Variants in CPS1 observed in about 807,000 individuals in gnomAD.
The protein encoded by CPS1 is carbamoyl-phosphate synthase [ammonia], mitochondrial.
A neutral mutation model predicts 174.6 loss-of-function variants in CPS1; 109 were observed. The ratio of observed to expected loss-of-function variants is 0.62; its 90% confidence interval spans 0.53 to 0.73. CPS1 has a LOEUF of 0.73. CPS1 is among the 30% of genes least tolerant of loss of function. The pLI is 0.00. For synonymous variants in CPS1, 637 were observed against 632.0 expected, an observed-to-expected ratio of 1.01 and a Z score of -0.12; for missense variants, 1,689 against 1,821.9, an observed-to-expected ratio of 0.93 and a Z score of 1.33.
At chr2:210,612,323 T>C in intron 20 of CPS1, 30 bp downstream of exon 20, 1 of 1,609,598 alleles carries the variant, frequency 6.2e-7, no homozygotes, top group South Asian at 1.1e-5. Context: ...CCACAGCTAC[T>C]AGTTGCTTTT....
At chr2:210,677,778 C>T (rs752735555) in intron 37 of CPS1, 109 bp from the exon 38 acceptor site, 9 of 897,286 alleles carry the variant, frequency 1.0e-5, no homozygotes, top group African/African-American at 3.3e-5. Context: ...GCCTTTTATC[C>T]CATACCCCTT....
At chr2:210,575,093 G>T (rs1176353025) in intron 2 of CPS1, among the ~76,000 whole-genome samples, 1 of 152,066 alleles carries the variant, frequency 6.6e-6, no homozygotes, top group African/African-American at 2.4e-5. Flanking sequence ...AGAGACATCT[G>T]AGAAATTAGC....
intron 34 of CPS1, 152 bp downstream of exon 34, chr2:210,668,436 A>C (rs1359870463): frequency 1.4e-6 from 1 of 699,240 alleles, no homozygotes; most frequent in Non-Finnish European, 2.6e-6. Context: ...TTTGTTCTCT[A>C]TTTGCTTCCT....
chr2:210,547,676 T>C (rs1696599527), intron 1 of CPS1, among the ~76,000 whole-genome samples: 1 of 152,224 alleles, frequency 6.6e-6, no homozygotes, highest in African/African-American at 2.4e-5. Flanking sequence ...TTTAAGTCTT[T>C]TAACCTTATC....
intron 1 of CPS1, among the ~76,000 whole-genome samples, chr2:210,503,909 A>G (rs965795097): frequency 2.0e-5 from 3 of 152,160 alleles, no homozygotes; most frequent in Admixed American, 6.5e-5. Context: ...TTTGCACAAT[A>G]ATAGGGTGTG....
At chr2:210,485,443 C>T (rs1694690199) in intron 1 of CPS1, among the ~76,000 whole-genome samples, 1 of 152,068 alleles carries the variant, frequency 6.6e-6, no homozygotes. Context: ...CACTGACAAT[C>T]TCTGTTTCCT....
intron 1 of CPS1, among the ~76,000 whole-genome samples, chr2:210,542,619 A>AT (rs1238965637): frequency 1.3e-5 from 2 of 151,780 alleles, no homozygotes; most frequent in African/African-American, 2.4e-5. Context: ...CAAAGTCTTC[A>AT]TTTTTTGGTT....
At chr2:210,649,036 A>G (rs1013883934) in intron 27 of CPS1, among the ~76,000 whole-genome samples, 1 of 152,238 alleles carries the variant, frequency 6.6e-6, no homozygotes, top group Non-Finnish European at 1.5e-5. Context: ...TTTAAAACAA[A>G]GTTTTATCAT....
chr2:210,591,055 A>C (rs549657614), intron 9 of CPS1, 149 bp downstream of exon 9: 6 of 228,684 alleles, frequency 2.6e-5, no homozygotes, highest in Non-Finnish European at 3.3e-5. Flanking sequence ...TAAATAAATA[A>C]ATAAATAAAT....
At chr2:210,602,404 T>C in intron 16 of CPS1, 74 bp downstream of exon 16, 13 of 1,515,030 alleles carry the variant, frequency 8.6e-6, no homozygotes, top group Non-Finnish European at 1.2e-5. Context: ...CTAGAGAAAG[T>C]TATGTAGATG....
intron 29 of CPS1, among the ~76,000 whole-genome samples, chr2:210,654,712 T>G (rs1700655887): frequency 6.6e-6 from 1 of 152,220 alleles, no homozygotes; most frequent in Non-Finnish European, 1.5e-5. Context: ...TAAAATGTAG[T>G]AAGTTATGTT....
Position 210,654,102 on chromosome 2 carries a change from G to T in CPS1, c.3558G>T (p.Arg1186Ser). 1 of 1,613,552 alleles carries T rather than the reference G, an allele frequency of 6.2e-7. No homozygotes were observed. The highest frequency in any genetic ancestry group is 8.5e-7 in the Non-Finnish European group (1 of 1,179,584). The change falls in exon 29 of 38, where the codon AGG (arginine) becomes AGT (serine). Residue 1186 changes from arginine to serine, a missense_variant and splice_region_variant. Arg to Ser is a moderately radical substitution (Grantham distance 110). Transcript: ENST00000233072. The stretch of plus-strand genomic sequence containing the variant: ...TGGACGCTGTTGGCAAAGATGGAAG[G>T]GTAAGTGCTTTATTCTCATCTCCTT... ...VEMDAVGKDG[R>S]VISHAISEHV...
rs1392725237 is a variant in CPS1 at position 210,591,981 on chromosome 2, C to A, written c.1086+12C>A. Reference sequence around the variant, plus strand: ...ATCAAACAAATGAGGTAAATGATGTCAATAAACCTGTTCAGTTGGTGATGA... The same window carrying A: ...ATCAAACAAATGAGGTAAATGATGTAAATAAACCTGTTCAGTTGGTGATGA... On this transcript the variant is annotated intron_variant, in intron 10 of 37. Coordinates refer to ENST00000233072, the MANE Select transcript of CPS1 (RefSeq NM_001875.5). The A allele has an allele frequency of 2.5e-6, 4 of 1,609,164 alleles. No homozygotes were observed. Among genetic ancestry groups the A allele is most frequent in the South Asian group, 1.1e-5 (1 of 90,808 alleles).
chr2:210,608,623 C>T, intron 19 of CPS1, 64 bp downstream of exon 19: 3 of 1,520,918 alleles, frequency 2.0e-6, no homozygotes, highest in Non-Finnish European at 2.7e-6. Flanking sequence ...TTTGTGACAC[C>T]ATTGACAGTG....
At chr2:210,635,366 A>G (rs1264582680) in intron 21 of CPS1, among the ~76,000 whole-genome samples, 1 of 152,140 alleles carries the variant, frequency 6.6e-6, no homozygotes, top group Non-Finnish European at 1.5e-5. Context: ...ATCCCTCCAT[A>G]AAGTGTTTTG....
At chr2:210,577,652 A>G (rs989613383) in intron 4 of CPS1, 142 bp downstream of exon 4, 6 of 744,310 alleles carry the variant, frequency 8.1e-6, no homozygotes, top group South Asian at 1.4e-5. Flanking sequence ...CTCTTACTAC[A>G]TAAAGGCTGA....
chr2:210,662,341 G>T (rs1700951907), intron 32 of CPS1, among the ~76,000 whole-genome samples: 1 of 152,132 alleles, frequency 6.6e-6, no homozygotes, highest in Non-Finnish European at 1.5e-5. Context: ...AACAGATGGG[G>T]AAATAGGGAA....
At position 210,658,607 on chromosome 2, in the gene CPS1, T is replaced by A. The variant is rs771626534; in HGVS notation, c.3675T>A (p.Asp1225Glu). 5 of 1,613,880 alleles carry A rather than the reference T, an allele frequency of 3.1e-6. No homozygotes were observed. The Admixed American group carries it at 6.7e-5, about 22-fold the overall frequency. The change falls in exon 31 of 38, where the codon GAT becomes GAA. Residue 1225 changes from aspartate (D) to glutamate (E), a missense_variant. By Grantham distance (45) the Asp-to-Glu change is conservative. Coordinates refer to ENST00000233072, the MANE Select transcript of CPS1 (RefSeq NM_001875.5). ...ISQGAIEKVK[D>E]ATRKIAKAFA... ...TATGCTTTTTAATTCAGGTGAAGGA[T>A]GCTACCCGGAAGATTGCAAAGGCTT... is the stretch of plus-strand genomic sequence containing the variant.
chr2:210,539,876 G>A (rs1696354633), intron 1 of CPS1, among the ~76,000 whole-genome samples: 1 of 152,060 alleles, frequency 6.6e-6, no homozygotes, highest in Admixed American at 6.5e-5. Flanking sequence ...GGTTATTTTG[G>A]GTCCCCAGTT....
Sources: gnomAD v4.1 joint callset for allele counts (sites outside exome capture counted in the v4.1 genomes callset) on GRCh38, gnomAD v4.1.1 for gene constraint, MANE v1.5 for transcripts, NCBI Gene and HGNC (gene_info 2026-07-23, HGNC 2026-07-21) for gene names.